Variants in BCL2L11 observed in about 807,000 individuals in gnomAD.
The protein encoded by BCL2L11 is BCL2 like 11.
In BCL2L11, 15 loss-of-function variants were observed where a neutral mutation model predicts 20.6. The ratio of observed to expected loss-of-function variants is 0.73; its 90% confidence interval spans 0.49 to 1.12. The LOEUF (loss-of-function observed/expected upper bound fraction) is 1.12, where lower values mean the gene tolerates loss of function less well. Among genes scored for constraint, BCL2L11 ranks in the 50% most tolerant of loss-of-function variants. The pLI is 0.00. For synonymous variants in BCL2L11, 108 were observed against 92.8 expected, an observed-to-expected ratio of 1.16 and a Z score of -0.94; for missense variants, 292 against 260.9, an observed-to-expected ratio of 1.12 and a Z score of -0.82.
intron 3 of BCL2L11, among the ~76,000 whole-genome samples, chr2:111,159,646 AT>A (rs1428768564): frequency 6.6e-6 from 1 of 152,176 alleles, no homozygotes; most frequent in African/African-American, 2.4e-5. Flanking sequence ...TTCTGTGATT[AT>A]TTTGGCATTA....
chr2:111,142,524 A>T lies in BCL2L11; in HGVS notation c.395-7520A>T, dbSNP rs2075983747. On this transcript the variant is annotated intron_variant, in intron 2 of 3. Coordinates refer to ENST00000393256, the MANE Select transcript of BCL2L11 (RefSeq NM_138621.5). ...AATAATCATATCTGTGTTAAATTGTACTTCACTTTGTATATCACCATTGTA... is the reference window on the plus strand; with the variant it reads ...AATAATCATATCTGTGTTAAATTGTTCTTCACTTTGTATATCACCATTGTA... 7.0e-6 allele frequency: 5 copies of T among 709,478 alleles called. No homozygotes were observed. The Admixed American group carries it at 1.3e-4, about 19-fold the overall frequency. The allele number at this position is 709,478 out of a possible 1,614,324, so 43.9% of individuals were successfully genotyped here.
At chr2:111,147,311 G>A (rs2076644932) in intron 2 of BCL2L11, among the ~76,000 whole-genome samples, 1 of 144,874 alleles carries the variant, frequency 6.9e-6, no homozygotes, top group Admixed American at 6.9e-5. Flanking sequence ...GGACTTGAAA[G>A]AGTACAGCCT....
intron 2 of BCL2L11, among the ~76,000 whole-genome samples, chr2:111,140,977 T>C (rs1251267609): frequency 6.6e-6 from 1 of 152,226 alleles, no homozygotes; most frequent in Non-Finnish European, 1.5e-5. Context: ...GTACAAGGTG[T>C]TGACTCATCT....
At chr2:111,138,798 G>A (rs1382582724) in intron 2 of BCL2L11, among the ~76,000 whole-genome samples, 2 of 152,164 alleles carry the variant, frequency 1.3e-5, no homozygotes, top group East Asian at 1.9e-4. Context: ...TGGAACCTGG[G>A]CGGAGCAGTG....
rs951777622 is a variant in BCL2L11 at position 111,168,145 on chromosome 2, A to G, written c.*3914A>G. ...CTTTTATTTGGGAATTTCAGACTAT[A>G]GAAGCTCTCTTATGTTTTATGTCCA... On this transcript the variant is annotated 3_prime_UTR_variant, in exon 4 of 4. Coordinates refer to ENST00000393256, the MANE Select transcript of BCL2L11 (RefSeq NM_138621.5). The G allele has an allele frequency of 6.7e-6, 1 of 150,172 alleles. No individual in the cohort carries two copies. The highest frequency in any genetic ancestry group is 1.5e-5 in the Non-Finnish European group (1 of 67,804). The allele number at this position is 150,172 out of a possible 1,614,324, so 9.3% of individuals were successfully genotyped here. A position where few individuals can be genotyped will look rare whatever the true frequency, so the allele number is the denominator to read the frequency against.
intron 2 of BCL2L11, among the ~76,000 whole-genome samples, chr2:111,133,737 G>C (rs887353194): frequency 1.3e-5 from 2 of 152,114 alleles, no homozygotes; most frequent in Non-Finnish European, 2.9e-5. Context: ...ACATCTTTCA[G>C]ATCTTACTGG....
At chr2:111,140,290 G>A (rs2075599689) in intron 2 of BCL2L11, among the ~76,000 whole-genome samples, 1 of 152,194 alleles carries the variant, frequency 6.6e-6, no homozygotes, top group Admixed American at 6.5e-5. Context: ...GCTGATAAGA[G>A]TGTGTGTGTT....
At chr2:111,138,491 AT>A (rs2075300371) in intron 2 of BCL2L11, among the ~76,000 whole-genome samples, 1 of 152,084 alleles carries the variant, frequency 6.6e-6, no homozygotes. Context: ...TGTTTGTGTG[AT>A]TCAGTGTTAA....
At chr2:111,129,436 T>G (rs926054372) in intron 2 of BCL2L11, among the ~76,000 whole-genome samples, 4 of 152,218 alleles carry the variant, frequency 2.6e-5, no homozygotes, top group African/African-American at 9.7e-5. Flanking sequence ...AATTTACATC[T>G]TAAAAAAATT....
intron 3 of BCL2L11, chr2:111,150,405 A>T (rs920666849): frequency 1.5e-5 from 8 of 537,570 alleles, no homozygotes; most frequent in African/African-American, 1.2e-4. Context: ...ATGCTAAAAA[A>T]GGGATTATTT....
chr2:111,122,804 T>C (rs535491962), intron 1 of BCL2L11: 435 of 985,206 alleles, frequency 4.4e-4, no homozygotes, highest in Non-Finnish European at 3.8e-4. Context: ...CCGGGCTTTG[T>C]CTCCTGCGCT....
At chr2:111,155,477 G>C (rs1003232254) in intron 3 of BCL2L11, among the ~76,000 whole-genome samples, 2 of 152,186 alleles carry the variant, frequency 1.3e-5, no homozygotes, top group East Asian at 1.9e-4. Context: ...TTGACCATGG[G>C]CTGGGGCTGC....
At chr2:111,147,541 T>C (rs2076722962) in intron 2 of BCL2L11, among the ~76,000 whole-genome samples, 1 of 152,238 alleles carries the variant, frequency 6.6e-6, no homozygotes, top group African/African-American at 2.4e-5. Context: ...GGCATTTATC[T>C]CTTAAGATGA....
chr2:111,122,388 G>C (rs1374045151), intron 1 of BCL2L11, among the ~76,000 whole-genome samples: 1 of 152,166 alleles, frequency 6.6e-6, no homozygotes, highest in Non-Finnish European at 1.5e-5. Flanking sequence ...CGGGCCAGCC[G>C]GCCCTCAAAT....
At chr2:111,129,663 A>C (rs969599886) in intron 2 of BCL2L11, among the ~76,000 whole-genome samples, 1 of 152,168 alleles carries the variant, frequency 6.6e-6, no homozygotes, top group African/African-American at 2.4e-5. Flanking sequence ...GTTTACTTCT[A>C]TTCAGGTTTA....
At chr2:111,147,537 T>C (rs1209307519) in intron 2 of BCL2L11, among the ~76,000 whole-genome samples, 1 of 152,234 alleles carries the variant, frequency 6.6e-6, no homozygotes, top group Non-Finnish European at 1.5e-5. Flanking sequence ...GCAGGGCATT[T>C]ATCTCTTAAG....
intron 2 of BCL2L11, among the ~76,000 whole-genome samples, chr2:111,142,011 C>T (rs1162307124): frequency 6.6e-6 from 1 of 152,138 alleles, no homozygotes; most frequent in Non-Finnish European, 1.5e-5. Flanking sequence ...AGAACAATCC[C>T]AATTCTATCT....
chr2:111,143,769 C>T (rs1428310905), intron 2 of BCL2L11, among the ~76,000 whole-genome samples: 3 of 152,166 alleles, frequency 2.0e-5, no homozygotes, highest in African/African-American at 7.2e-5. Flanking sequence ...GGCTTGTCCC[C>T]AGCTGCTAGT....
At chr2:111,130,107 C>CT (rs1559027087) in intron 2 of BCL2L11, 5 of 393,438 alleles carry the variant, frequency 1.3e-5, no homozygotes, top group Admixed American at 3.0e-5. Context: ...ACTTTTACTT[C>CT]TCTTTTTTTT....
Sources: allele counts gnomAD v4.1 joint callset (sites outside exome capture counted in the v4.1 genomes callset), GRCh38; gene constraint gnomAD v4.1.1; transcripts MANE v1.5; gene names NCBI Gene and HGNC (gene_info 2026-07-23, HGNC 2026-07-21).